The following CSMD1 variants were observed in gnomAD, a reference collection of about 807,000 sequenced individuals.
CSMD1 encodes CUB and sushi domain-containing protein 1.
CSMD1 carries 213 observed loss-of-function variants against 417.5 expected under a neutral mutation model. That is an observed-to-expected ratio of 0.51 (90% CI 0.46 to 0.57). The LOEUF is 0.57. CSMD1 is among the 20% of genes least tolerant of loss of function. The pLI is 0.00. For missense variants in CSMD1, 6,923 were observed against 4,529.7 expected (o/e 1.53, Z -15.17); for synonymous variants, 2,862 against 1,736.8 (o/e 1.65, Z -16.11).
intron 7 of CSMD1, among the ~76,000 whole-genome samples, chr8:3,706,192 G>A (rs966973397): frequency 6.6e-6 from 1 of 152,228 alleles, no homozygotes; most frequent in Non-Finnish European, 1.5e-5. Flanking sequence ...GCCACACTCT[G>A]CAACAGGCAG....
At chr8:3,289,341 C>T (rs1295455507) in intron 25 of CSMD1, among the ~76,000 whole-genome samples, 8 of 147,236 alleles carry the variant, frequency 5.4e-5, no homozygotes, top group Non-Finnish European at 8.8e-5. Context: ...GGTATATACC[C>T]AGTAATGGGA....
At chr8:3,554,493 G>C (rs1799056684) in intron 10 of CSMD1, among the ~76,000 whole-genome samples, 1 of 152,268 alleles carries the variant, frequency 6.6e-6, no homozygotes, top group South Asian at 2.1e-4. Context: ...GAGGGTGGAA[G>C]GGAAGCAAGG....
chr8:3,334,907 T>C (rs906984613), intron 23 of CSMD1, among the ~76,000 whole-genome samples: 1 of 152,228 alleles, frequency 6.6e-6, no homozygotes, highest in African/African-American at 2.4e-5. Flanking sequence ...GTGATCCCAT[T>C]GCATCTGTAG....
intron 2 of CSMD1, among the ~76,000 whole-genome samples, chr8:4,605,512 G>A (rs1358735619): frequency 2.0e-5 from 3 of 152,056 alleles, no homozygotes; most frequent in African/African-American, 7.2e-5. Context: ...TAATTGACCA[G>A]GAAACAGAGT....
chr8:3,247,295 T>G (rs35927143), intron 26 of CSMD1, among the ~76,000 whole-genome samples: 13,439 of 152,144 alleles, frequency 0.088, 795 homozygotes, highest in Non-Finnish European at 0.12. Context: ...CTGGAGAGCA[T>G]AGCTGAAATT....
chr8:4,661,570 T>G (rs935797093), intron 1 of CSMD1, among the ~76,000 whole-genome samples: 1 of 152,174 alleles, frequency 6.6e-6, no homozygotes, highest in African/African-American at 2.4e-5. Flanking sequence ...TCCAATGTGT[T>G]CATCTCAATA....
intron 1 of CSMD1, among the ~76,000 whole-genome samples, chr8:4,733,661 A>T (rs547641222): frequency 1.0e-3 from 159 of 152,230 alleles, no homozygotes; most frequent in Non-Finnish European, 1.6e-3. Context: ...ACATCTGAAC[A>T]GGTATTTTGT....
chr8:4,887,553 G>T lies in CSMD1; in HGVS notation c.85+106779C>A, dbSNP rs147347234. Among the ~76,000 whole-genome samples, 30 of 151,938 alleles carry T rather than the reference G, an allele frequency of 2.0e-4. No individual in the cohort carries two copies. The East Asian group carries it at 4.1e-3, about 21-fold the overall frequency. On this transcript the variant is annotated intron_variant, in intron 1 of 69. Coordinates refer to ENST00000635120, the MANE Select transcript of CSMD1 (RefSeq NM_033225.6). ...TTTACATAGTTTTTTATTTGTTAAC[G>T]AAAGTGGGATATTGAAGTCACCAAC...
intron 1 of CSMD1, among the ~76,000 whole-genome samples, chr8:4,993,739 G>A (rs1219546509): frequency 6.6e-6 from 1 of 152,188 alleles, no homozygotes; most frequent in Non-Finnish European, 1.5e-5. Context: ...GAAAGCGGGG[G>A]CGACCTTCTA....
At chr8:4,029,851 C>T (rs1051086257) in intron 4 of CSMD1, among the ~76,000 whole-genome samples, 26 of 152,158 alleles carry the variant, frequency 1.7e-4, no homozygotes, top group Admixed American at 5.2e-4. Flanking sequence ...CAAATGCAGG[C>T]ACAAGAATTG....
intron 1 of CSMD1, among the ~76,000 whole-genome samples, chr8:4,865,443 C>G (rs1490754922): frequency 4.0e-5 from 6 of 151,486 alleles, no homozygotes; most frequent in Non-Finnish European, 8.8e-5. Flanking sequence ...TTCTTTCTGC[C>G]TATAACTGAT....
At chr8:3,300,980 AAGAG>A (rs1316129633) in intron 25 of CSMD1, among the ~76,000 whole-genome samples, 7 of 145,112 alleles carry the variant, frequency 4.8e-5, no homozygotes, top group Non-Finnish European at 1.0e-4. Context: ...AAAAAAAAAA[AAGAG>A]AAAGAAAAAT....
intron 46 of CSMD1, among the ~76,000 whole-genome samples, chr8:3,102,868 A>G (rs12156353): frequency 0.72 from 109,140 of 152,082 alleles, 40,373 homozygotes; most frequent in East Asian, 0.96. Context: ...GCATGACAAG[A>G]TAACAAAAGA....
At chr8:4,859,730 G>C (rs1802014463) in intron 1 of CSMD1, among the ~76,000 whole-genome samples, 2 of 152,014 alleles carry the variant, frequency 1.3e-5, no homozygotes, top group Non-Finnish European at 2.9e-5. Flanking sequence ...ACACCAGTTA[G>C]AATGGCAATC....
intron 8 of CSMD1, among the ~76,000 whole-genome samples, chr8:3,586,904 AT>A (rs755800769): frequency 1.3e-5 from 2 of 152,160 alleles, no homozygotes; most frequent in Non-Finnish European, 2.9e-5. Flanking sequence ...GGTTCAAGCT[AT>A]TCTCCTGCCT....
In CSMD1 at chr8:4,994,814, G is replaced by C; in HGVS notation, c.-398C>G. ...AGAGAGCCAGCGAGTGGGAGATGCG[G>C]GGAGGGGGGCGCGGGGGGGAGGAGA... On this transcript the variant is annotated 5_prime_UTR_variant, in exon 1 of 70. Transcript: ENST00000635120. The C allele has an allele frequency of 6.4e-6, 1 of 155,518 alleles. No individual in the cohort carries two copies. The highest frequency in any genetic ancestry group is 1.5e-4 in the South Asian group (1 of 6,452). 9.6% of individuals were successfully genotyped at this position (155,518 alleles called of 1,614,324 possible).
chr8:3,534,136 C>T (rs193043101), intron 10 of CSMD1, among the ~76,000 whole-genome samples: 9 of 152,284 alleles, frequency 5.9e-5, no homozygotes, highest in Admixed American at 4.6e-4. Flanking sequence ...CTCATATGCA[C>T]TGTGAAATAA....
At chr8:4,395,864 G>T (rs531121812) in intron 3 of CSMD1, among the ~76,000 whole-genome samples, 1 of 152,274 alleles carries the variant, frequency 6.6e-6, no homozygotes, top group Middle Eastern at 3.4e-3. Context: ...AACCATTACA[G>T]TCTTTAATTC....
At chr8:4,364,127 C>G (rs1801934853) in intron 3 of CSMD1, among the ~76,000 whole-genome samples, 1 of 152,168 alleles carries the variant, frequency 6.6e-6, no homozygotes, top group Non-Finnish European at 1.5e-5. Flanking sequence ...TTATGCATTG[C>G]ATGCCTGTAT....
Sources: allele counts gnomAD v4.1 joint callset (sites outside exome capture counted in the v4.1 genomes callset), GRCh38; gene constraint gnomAD v4.1.1; transcripts MANE v1.5; gene names NCBI Gene and HGNC (gene_info 2026-07-23, HGNC 2026-07-21).